PKNOX2: variants seen among roughly 807,000 people sequenced by gnomAD.
The protein encoded by PKNOX2 is PBX/knotted 1 homeobox 2, also known as homeobox protein PKNOX2.
PKNOX2 carries 14 observed loss-of-function variants against 53.1 expected under a neutral mutation model. The observed-to-expected ratio is 0.26, with a 90% CI of 0.17 to 0.41. The LOEUF is 0.41. Among genes scored for constraint, PKNOX2 ranks in the 10% least tolerant of loss-of-function variants. The pLI is 1.00. For synonymous variants in PKNOX2, 257 were observed against 242.8 expected (o/e 1.06, Z -0.54); for missense variants, 496 against 602.8 (o/e 0.82, Z 1.85).
intron 4 of PKNOX2, among the ~76,000 whole-genome samples, chr11:125,363,363 T>C (rs572925055): frequency 1.8e-4 from 27 of 152,320 alleles, no homozygotes; most frequent in African/African-American, 5.8e-4. Context: ...GATTGAGTAT[T>C]ATCTCCTGCA....
chr11:125,243,661 C>T lies in PKNOX2; in HGVS notation c.-130+8546C>T, dbSNP rs993401993. On this transcript the variant is annotated intron_variant, in intron 2 of 12. Coordinates refer to ENST00000298282, the MANE Select transcript of PKNOX2 (RefSeq NM_001382323.2). ...TTTTTGAGATAGGGTCTCGCTCTGTCGCCCAGGCTGGAGTGCAGTGGCGTG... is the reference window on the plus strand; with the variant it reads ...TTTTTGAGATAGGGTCTCGCTCTGTTGCCCAGGCTGGAGTGCAGTGGCGTG... Among the ~76,000 whole-genome samples, 9 of 149,146 alleles carry T rather than the reference C, an allele frequency of 6.0e-5. No individual in the cohort carries two copies. In the South Asian group the frequency reaches 6.4e-4, roughly 11 times the overall value.
At position 125,195,144 on chromosome 11, in the gene PKNOX2, T is replaced by C. The variant is rs542062125; in HGVS notation, c.-201+30368T>C. ...ACCACTCCACAAGAAACATGGCTTC[T>C]TCAAGGAGGGCATTCATTATGACCG... On this transcript the variant is annotated intron_variant, in intron 1 of 12. Transcript: ENST00000298282. Among the ~76,000 whole-genome samples the C allele has an allele frequency of 5.9e-5, 9 of 152,268 alleles. No individual in the cohort carries two copies. In the East Asian group the frequency reaches 7.7e-4, roughly 13 times the overall value.
At chr11:125,281,240 G>T (rs11824340) in intron 2 of PKNOX2, among the ~76,000 whole-genome samples, 1 of 152,176 alleles carries the variant, frequency 6.6e-6, no homozygotes, top group Non-Finnish European at 1.5e-5. Context: ...CTCCTGGAAC[G>T]TATATGCGTG....
At chr11:125,355,738 C>A (rs1471271169) in intron 4 of PKNOX2, among the ~76,000 whole-genome samples, 1 of 152,152 alleles carries the variant, frequency 6.6e-6, no homozygotes, top group Non-Finnish European at 1.5e-5. Context: ...TCTGTCCTCT[C>A]CTGCCTTGCT....
At chr11:125,264,606 G>C (rs935627500) in intron 2 of PKNOX2, among the ~76,000 whole-genome samples, 2 of 152,090 alleles carry the variant, frequency 1.3e-5, no homozygotes, top group African/African-American at 2.4e-5. Context: ...CTGCCCAGCT[G>C]TCTTGATCTT....
intron 1 of PKNOX2, among the ~76,000 whole-genome samples, chr11:125,224,816 A>T (rs1194514411): frequency 6.6e-6 from 1 of 152,198 alleles, no homozygotes; most frequent in African/African-American, 2.4e-5. Context: ...AACCTCAGTG[A>T]AACAAGCTGG....
chr11:125,383,844 G>A (rs914619870), intron 5 of PKNOX2, among the ~76,000 whole-genome samples: 6 of 152,144 alleles, frequency 3.9e-5, no homozygotes, highest in African/African-American at 1.4e-4. Flanking sequence ...CACAGCACTG[G>A]CTAGACCATC....
chr11:125,233,425 G>A (rs575406541), intron 1 of PKNOX2, among the ~76,000 whole-genome samples: 23 of 152,332 alleles, frequency 1.5e-4, no homozygotes, highest in African/African-American at 5.1e-4. Flanking sequence ...GCCAGCCAAG[G>A]GTTGGTTCTG....
At chr11:125,173,810 G>A (rs149435950) in intron 1 of PKNOX2, among the ~76,000 whole-genome samples, 63 of 152,298 alleles carry the variant, frequency 4.1e-4, no homozygotes, top group East Asian at 2.1e-3. Context: ...GCTCGTGCCC[G>A]TGGTCATCAG....
At chr11:125,306,840 C>G (rs1301095041) in intron 2 of PKNOX2, among the ~76,000 whole-genome samples, 1 of 152,200 alleles carries the variant, frequency 6.6e-6, no homozygotes, top group Non-Finnish European at 1.5e-5. Flanking sequence ...CCCCCTCCCC[C>G]ATTTTCGTTT....
intron 2 of PKNOX2, among the ~76,000 whole-genome samples, chr11:125,256,762 G>T (rs1324042645): frequency 6.6e-6 from 1 of 152,144 alleles, no homozygotes; most frequent in Non-Finnish European, 1.5e-5. Flanking sequence ...CAATCCCGCT[G>T]CTCTTCTCTG....
chr11:125,419,322 C>T (rs544276541), intron 10 of PKNOX2, among the ~76,000 whole-genome samples: 17 of 151,774 alleles, frequency 1.1e-4, no homozygotes, highest in African/African-American at 3.4e-4. Flanking sequence ...ATACAGGCAC[C>T]GCTACTGCTA....
chr11:125,365,759 G>C (rs1277337190), intron 4 of PKNOX2, among the ~76,000 whole-genome samples: 1 of 152,164 alleles, frequency 6.6e-6, no homozygotes, highest in Non-Finnish European at 1.5e-5. Context: ...TGTCCACCAG[G>C]CTGCATCTCT....
rs1955815941 is a variant in PKNOX2, at chr11:125,415,319, A to G, written c.936+3454A>G. On this transcript the variant is annotated intron_variant, in intron 10 of 12. Coordinates refer to ENST00000298282, the MANE Select transcript of PKNOX2 (RefSeq NM_001382323.2). Reference sequence around the variant, plus strand: ...GAATGCAATGGCACGATCTTGGCTCACTGCAATCCCCACCTCCCAGGTTCA... The same window carrying G: ...GAATGCAATGGCACGATCTTGGCTCGCTGCAATCCCCACCTCCCAGGTTCA... Among the ~76,000 whole-genome samples, 4 of 140,088 alleles carry G rather than the reference A, an allele frequency of 2.9e-5. No homozygotes were observed. In the South Asian group the frequency reaches 8.9e-4, roughly 31 times the overall value. 91.9% of individuals were successfully genotyped at this position (140,088 alleles called of 152,430 possible). A position where few individuals can be genotyped will look rare whatever the true frequency, so the allele number is the denominator to read the frequency against.
intron 5 of PKNOX2, among the ~76,000 whole-genome samples, chr11:125,384,610 G>A (rs1043812046): frequency 6.6e-6 from 1 of 152,178 alleles, no homozygotes; most frequent in Admixed American, 6.5e-5. Flanking sequence ...CGTGAACCCA[G>A]GGAGGGAGAG....
chr11:125,246,851 G>A (rs562178885), intron 2 of PKNOX2, among the ~76,000 whole-genome samples: 1 of 152,150 alleles, frequency 6.6e-6, no homozygotes, highest in East Asian at 1.9e-4. Context: ...GATGAGGATG[G>A]GCAACCCCTG....
intron 2 of PKNOX2, among the ~76,000 whole-genome samples, chr11:125,318,517 T>C (rs551705900): frequency 4.5e-4 from 69 of 152,336 alleles, no homozygotes; most frequent in African/African-American, 1.5e-3. Flanking sequence ...CTTTAGAGAA[T>C]GTTGTGTTTG....
At chr11:125,182,188 G>A (rs626475) in intron 1 of PKNOX2, among the ~76,000 whole-genome samples, 30,500 of 152,164 alleles carry the variant, frequency 0.2, 3,555 homozygotes, top group South Asian at 0.32. Context: ...GGATTGTAAC[G>A]ACTTTCACAC....
chr11:125,432,211 G>A lies in PKNOX2; in HGVS notation c.*819G>A, dbSNP rs1240977934. ...ACTTTGAGGCCACAGCTGTCCCTAGGTGATCACAGAACTTAGCTCCTTTAA... is the reference window on the plus strand; with the variant it reads ...ACTTTGAGGCCACAGCTGTCCCTAGATGATCACAGAACTTAGCTCCTTTAA... On this transcript the variant is annotated 3_prime_UTR_variant, in exon 13 of 13. Coordinates refer to ENST00000298282, the MANE Select transcript of PKNOX2 (RefSeq NM_001382323.2). 2 of 152,246 alleles carry A rather than the reference G, an allele frequency of 1.3e-5. No individual in the cohort carries two copies. The highest frequency in any genetic ancestry group is 2.9e-5 in the Non-Finnish European group (2 of 68,112). The allele number at this position is 152,246 out of a possible 1,614,324, so 9.4% of individuals were successfully genotyped here.
Sources: gnomAD v4.1 joint callset for allele counts (sites outside exome capture counted in the v4.1 genomes callset) on GRCh38, gnomAD v4.1.1 for gene constraint, MANE v1.5 for transcripts, NCBI Gene and HGNC (gene_info 2026-07-23, HGNC 2026-07-21) for gene names.